Variants in PROX1 observed in about 807,000 individuals in gnomAD.
PROX1 encodes the protein prospero homeobox 1, also known as prospero homeobox protein 1.
PROX1 carries 7 observed loss-of-function variants against 58.8 expected under a neutral mutation model. The ratio of observed to expected loss-of-function variants is 0.12; its 90% CI spans 0.07 to 0.22. PROX1 has a LOEUF of 0.22. Ranked by LOEUF, PROX1 falls within the 10% of genes least tolerant of loss-of-function variation. The pLI, the probability that PROX1 is intolerant of heterozygous loss-of-function variation, is 1.00. For synonymous variants in PROX1, 350 were observed against 358.3 expected, an observed-to-expected ratio of 0.98 and a Z score of 0.26; for missense variants, 675 against 927.8, an observed-to-expected ratio of 0.73 and a Z score of 3.54.
intron 4 of PROX1, among the ~76,000 whole-genome samples, chr1:214,015,636 T>C (rs1388096211): frequency 6.6e-6 from 1 of 151,746 alleles, no homozygotes; most frequent in Non-Finnish European, 1.5e-5. Context: ...AACTAACTTG[T>C]GTAACTCACA....
intron 4 of PROX1, among the ~76,000 whole-genome samples, chr1:214,015,277 G>T (rs757485264): frequency 6.6e-6 from 1 of 152,128 alleles, no homozygotes; most frequent in South Asian, 2.1e-4. Context: ...TGTGAGGCAC[G>T]CAGGAGAGGG....
At chr1:214,005,419 AAAGGTGTGTT>A (rs1663672794) in intron 3 of PROX1, 147 bp downstream of exon 3, 1 of 664,646 alleles carries the variant, frequency 1.5e-6, no homozygotes, top group African/African-American at 1.8e-5. Flanking sequence ...CTTTTTGTCT[AAAGGTGTGTT>A]AAGCAAAGAT....
At position 213,997,748 on chromosome 1, in the gene PROX1, G is replaced by T; in HGVS notation, c.1213G>T (p.Ala405Ser). 6.2e-7 allele frequency: 1 copy of T among 1,614,104 alleles called. No individual in the cohort carries two copies. The highest frequency in any genetic ancestry group is 1.1e-5 in the South Asian group (1 of 91,066). The change falls in exon 2 of 5, where the codon GCC (alanine) becomes TCC (serine). Residue 405 changes from alanine (A) to serine (S), a missense_variant. This residue lies in a region of PROX1 where 403 missense variants were observed against 477.4 expected (regional missense o/e 0.84). Coordinates refer to ENST00000366958, the MANE Select transcript of PROX1 (RefSeq NM_001270616.2). The surrounding 1 kb of genome is among the most constrained non-coding windows in gnomAD (Gnocchi z 7.1). ...VNGENHNFHT[A>S]NQRLQCFGDV... ...TGGGGAAAACCACAATTTCCACACC[G>T]CCAACCAGCGCCTGCAGTGCTTTGG...
At position 214,039,119 on chromosome 1, in the gene PROX1, T is replaced by C. The variant is rs531943861; in HGVS notation, c.*3285T>C. ...ATGTAAAAATATACATATATATATA[T>C]GCGTGTGAAGTGGAAAGCTTACCTT... On this transcript the variant is annotated 3_prime_UTR_variant, in exon 5 of 5. Coordinates refer to ENST00000366958, the MANE Select transcript of PROX1 (RefSeq NM_001270616.2). The C allele has an allele frequency of 6.6e-6, 1 of 152,306 alleles. No homozygotes were observed. The highest frequency in any genetic ancestry group is 2.4e-5 in the African/African-American group (1 of 41,580). The allele number at this position is 152,306 out of a possible 1,614,324, so 9.4% of individuals were successfully genotyped here. A position where few individuals can be genotyped will look rare whatever the true frequency, so the allele number is the denominator to read the frequency against.
chr1:214,027,334 TG>T (rs1664493741), intron 4 of PROX1, among the ~76,000 whole-genome samples: 1 of 152,122 alleles, frequency 6.6e-6, no homozygotes, highest in African/African-American at 2.4e-5. Flanking sequence ...TTCGGGATTT[TG>T]GCAAGAAGGC....
At chr1:213,990,690 GTGTGT>G (rs1363111449) in intron 1 of PROX1, among the ~76,000 whole-genome samples, 30 of 131,304 alleles carry the variant, frequency 2.3e-4, no homozygotes, top group Non-Finnish European at 2.5e-4. Context: ...GTGTGTGTGT[GTGTGT>G]GTGTGTTTGT....
At chr1:213,992,406 CA>C in intron 1 of PROX1, among the ~76,000 whole-genome samples, 1 of 152,220 alleles carries the variant, frequency 6.6e-6, no homozygotes, top group East Asian at 1.9e-4. Flanking sequence ...TTAGCAGAAA[CA>C]AATTCTTGAA....
At chr1:214,008,859 T>A (rs1290994245) in intron 3 of PROX1, among the ~76,000 whole-genome samples, 1 of 152,162 alleles carries the variant, frequency 6.6e-6, no homozygotes, top group East Asian at 1.9e-4. Context: ...TCCCTCATAA[T>A]GACATTTAGC....
chr1:214,017,695 C>A (rs1217328063), intron 4 of PROX1, among the ~76,000 whole-genome samples: 1 of 152,084 alleles, frequency 6.6e-6, no homozygotes, highest in Non-Finnish European at 1.5e-5. Context: ...CACCCCCCCA[C>A]AAATGATCTA....
intron 1 of PROX1, among the ~76,000 whole-genome samples, chr1:213,994,551 C>G (rs1050017441): frequency 1.3e-5 from 2 of 151,572 alleles, no homozygotes; most frequent in Non-Finnish European, 2.9e-5. Flanking sequence ...TTTATCAGAT[C>G]TAATGTGTTT....
rs1663424617 is a variant in PROX1 at position 213,999,759 on chromosome 1, C to T, written c.1725+1499C>T. Among the ~76,000 whole-genome samples the T allele has an allele frequency of 4.6e-5, 7 of 152,132 alleles. No individual in the cohort carries two copies. In the South Asian group the frequency reaches 1.4e-3, roughly 32 times the overall value. Reference sequence around the variant, plus strand: ...TTTGAAGATCTAAAATTCAATCCACCAGCCATGAATCAAAGCTGCACCAAG... The same window carrying T: ...TTTGAAGATCTAAAATTCAATCCACTAGCCATGAATCAAAGCTGCACCAAG... On this transcript the variant is annotated intron_variant, in intron 2 of 4. Transcript: ENST00000366958.
Position 213,997,297 on chromosome 1 carries a change from G to A in PROX1, c.762G>A (p.Gln254=). The A allele has an allele frequency of 6.2e-6, 10 of 1,614,094 alleles. No individual in the cohort carries two copies. Among genetic ancestry groups the A allele is most frequent in the Non-Finnish European group, 8.5e-6 (10 of 1,180,024 alleles). Reference sequence around the variant, plus strand: ...TGCAGAAACAGCTGCGCCAGCTGCAGGAAAAGTTCTACCAAATCTATGACA... The same window carrying A: ...TGCAGAAACAGCTGCGCCAGCTGCAAGAAAAGTTCTACCAAATCTATGACA... ...EDMQKQLRQL[Q]EKFYQIYDST... is the part of the protein sequence containing the mutation. The change falls in exon 2 of 5, where the codon CAG becomes CAA. Residue 254 remains glutamine, a synonymous_variant. Transcript: ENST00000366958. The surrounding 1 kb of genome is among the most constrained non-coding windows in gnomAD (Gnocchi z 7.1).
chr1:213,993,109 T>C (rs1172646810), intron 1 of PROX1, among the ~76,000 whole-genome samples: 1 of 152,212 alleles, frequency 6.6e-6, no homozygotes, highest in Non-Finnish European at 1.5e-5. Flanking sequence ...AAAGCATTTG[T>C]GTAGGTTATA....
chr1:213,995,603 T>C (rs1347791139), intron 1 of PROX1, among the ~76,000 whole-genome samples: 2 of 152,176 alleles, frequency 1.3e-5, no homozygotes, highest in African/African-American at 4.8e-5. Context: ...TTTATCTTTA[T>C]CTCGGTCAAT....
chr1:214,023,921 C>T (rs1664368554), intron 4 of PROX1, among the ~76,000 whole-genome samples: 2 of 152,266 alleles, frequency 1.3e-5, no homozygotes, highest in South Asian at 4.1e-4. Flanking sequence ...GGGAAGCTGA[C>T]CATATGTAGA....
chr1:213,988,770 TG>T (rs1662905999), intron 1 of PROX1: 1 of 152,594 alleles, frequency 6.6e-6, no homozygotes, highest in African/African-American at 2.4e-5. Flanking sequence ...TGCTGGTGGC[TG>T]GGGGTGGCGG....
intron 1 of PROX1, among the ~76,000 whole-genome samples, chr1:213,994,820 C>G (rs1663196539): frequency 8.4e-6 from 1 of 118,480 alleles, no homozygotes; most frequent in Non-Finnish European, 1.7e-5. Flanking sequence ...TATCATTTTG[C>G]TTTCATGATA....
chr1:213,991,545 A>G (rs1663037599), intron 1 of PROX1, among the ~76,000 whole-genome samples: 1 of 152,144 alleles, frequency 6.6e-6, no homozygotes, highest in Non-Finnish European at 1.5e-5. Context: ...TGTGCTTGGC[A>G]CTTATTGATA....
At chr1:213,987,229 T>A, upstream of PROX1, among the ~76,000 whole-genome samples, 1 of 152,204 alleles carries the variant, frequency 6.6e-6, no homozygotes, top group Non-Finnish European at 1.5e-5. Flanking sequence ...CCAATGTTGA[T>A]CTTCGTCTAA....
Sources: gnomAD v4.1 joint callset for allele counts (sites outside exome capture counted in the v4.1 genomes callset) on GRCh38, gnomAD v4.1.1 for gene constraint, gnomAD v4.1.1 regional missense constraint, Gnocchi (gnomAD v3.1) non-coding constraint, MANE v1.5 for transcripts, NCBI Gene and HGNC (gene_info 2026-07-23, HGNC 2026-07-21) for gene names.